Variants in LRP1B observed in about 807,000 individuals in gnomAD.
The protein encoded by LRP1B is LDL receptor related protein 1B.
In LRP1B, 217 loss-of-function variants were observed where a neutral mutation model predicts 556.6. The ratio of observed to expected loss-of-function variants is 0.39; its 90% CI spans 0.35 to 0.44. The LOEUF is 0.44. LRP1B is among the 20% of genes least tolerant of loss of function. LRP1B has a pLI of 1.00. For missense variants in LRP1B, 5,053 were observed against 5,620.8 expected (o/e 0.90, Z 3.23); for synonymous variants, 2,047 against 1,865.8 (o/e 1.10, Z -2.50).
chr2:141,950,905 G>T (rs934985366), intron 1 of LRP1B, among the ~76,000 whole-genome samples: 1 of 152,058 alleles, frequency 6.6e-6, no homozygotes, highest in Non-Finnish European at 1.5e-5. Flanking sequence ...AAATCAGTTG[G>T]TATCCTTCTC....
intron 5 of LRP1B, among the ~76,000 whole-genome samples, chr2:141,238,696 G>A (rs1018961880): frequency 6.6e-6 from 1 of 151,938 alleles, no homozygotes; most frequent in Non-Finnish European, 1.5e-5. Flanking sequence ...GAGGATGAGG[G>A]CTTATCTTTA....
chr2:141,744,405 T>C (rs779806053), intron 2 of LRP1B, among the ~76,000 whole-genome samples: 11 of 152,224 alleles, frequency 7.2e-5, no homozygotes, highest in Non-Finnish European at 1.2e-4. Context: ...TGGCCTAACA[T>C]ATGGTCTATT....
chr2:140,427,844 G>A (rs539325732), intron 66 of LRP1B, among the ~76,000 whole-genome samples: 3 of 151,724 alleles, frequency 2.0e-5, no homozygotes, highest in Admixed American at 6.6e-5. Flanking sequence ...CTCAGCCTCC[G>A]CTCCTCCACC....
chr2:140,332,003 T>C (rs1323284269), intron 79 of LRP1B, among the ~76,000 whole-genome samples: 6 of 151,976 alleles, frequency 3.9e-5, no homozygotes. Flanking sequence ...AGCCAATCTT[T>C]TGATTTTCTA....
chr2:140,862,859 G>T (rs1692838457), intron 27 of LRP1B, among the ~76,000 whole-genome samples: 1 of 152,164 alleles, frequency 6.6e-6, no homozygotes, highest in Non-Finnish European at 1.5e-5. Context: ...GGCCGAAATA[G>T]AATAAAAAGG....
At chr2:141,288,795 C>T (rs1685826336) in intron 3 of LRP1B, among the ~76,000 whole-genome samples, 1 of 152,116 alleles carries the variant, frequency 6.6e-6, no homozygotes, top group Non-Finnish European at 1.5e-5. Context: ...GAATAAGAGG[C>T]GTTTGTATTC....
intron 2 of LRP1B, among the ~76,000 whole-genome samples, chr2:141,670,565 C>T (rs1030518613): frequency 1.3e-5 from 2 of 152,002 alleles, no homozygotes; most frequent in Non-Finnish European, 2.9e-5. Context: ...ATATGATGTA[C>T]GGAATGTTAA....
At chr2:142,027,877 C>T (rs1021426557) in intron 1 of LRP1B, among the ~76,000 whole-genome samples, 11 of 151,854 alleles carry the variant, frequency 7.2e-5, no homozygotes, top group Non-Finnish European at 1.3e-4. Flanking sequence ...AGGTAGCTGT[C>T]TGTTTTAGAA....
Position 140,825,054 on chromosome 2 carries a change from T to C in LRP1B, c.5210-11248A>G, listed in dbSNP as rs535599114. Among the ~76,000 whole-genome samples the C allele has an allele frequency of 5.9e-5, 9 of 152,136 alleles. No homozygotes were observed. In the South Asian group the frequency reaches 1.9e-3, roughly 32 times the overall value. On this transcript the variant is annotated intron_variant, in intron 31 of 90. Transcript: ENST00000389484. ...GGTAATCATATATTCAACAAACAAA[T>C]TAAAAATTTAAATGATAACAGAGCT...
chr2:140,491,911 A>G (rs1688717079), intron 57 of LRP1B, among the ~76,000 whole-genome samples: 1 of 152,190 alleles, frequency 6.6e-6, no homozygotes, highest in African/African-American at 2.4e-5. Flanking sequence ...GCGAGTGTAC[A>G]TGTCTTAAGC....
At chr2:142,102,253 T>C (rs1179898438) in intron 1 of LRP1B, among the ~76,000 whole-genome samples, 6 of 151,826 alleles carry the variant, frequency 4.0e-5, no homozygotes, top group African/African-American at 1.5e-4. Context: ...GTGAACCAAT[T>C]TGTACCCCAA....
At chr2:140,657,113 A>G (rs1684906145) in intron 41 of LRP1B, among the ~76,000 whole-genome samples, 1 of 152,106 alleles carries the variant, frequency 6.6e-6, no homozygotes, top group African/African-American at 2.4e-5. Context: ...ATTTATGCCA[A>G]TGTGATATAT....
At chr2:140,808,069 G>A (rs746121483) in intron 32 of LRP1B, among the ~76,000 whole-genome samples, 1 of 152,172 alleles carries the variant, frequency 6.6e-6, no homozygotes, top group Non-Finnish European at 1.5e-5. Flanking sequence ...TCCAGCCTAG[G>A]TGACAGAGTG....
At chr2:141,374,651 G>A (rs1689361659) in intron 3 of LRP1B, among the ~76,000 whole-genome samples, 1 of 151,884 alleles carries the variant, frequency 6.6e-6, no homozygotes, top group South Asian at 2.1e-4. Flanking sequence ...TTTTCTGCTT[G>A]ATCTAGTCCA....
chr2:141,925,353 A>G (rs1700305720), intron 1 of LRP1B, among the ~76,000 whole-genome samples: 1 of 152,166 alleles, frequency 6.6e-6, no homozygotes, highest in African/African-American at 2.4e-5. Flanking sequence ...CTATTATAAG[A>G]CTATAATATT....
chr2:140,922,674 A>AAATT (rs966234944), intron 21 of LRP1B, among the ~76,000 whole-genome samples: 6 of 151,866 alleles, frequency 4.0e-5, no homozygotes, highest in East Asian at 1.9e-4. Flanking sequence ...ATAAACAAAT[A>AAATT]AATTAATTAA....
rs1247455481 is a variant in LRP1B, at chr2:141,463,546, TA to T, written c.343+16849del. Among the ~76,000 whole-genome samples, 7 of 28,466 alleles carry T rather than the reference TA, an allele frequency of 2.5e-4. No individual in the cohort carries two copies. The South Asian group carries it at 3.3e-3, about 14-fold the overall frequency. The allele number at this position is 28,466 out of a possible 152,430, so 18.7% of individuals were successfully genotyped here. ...ATTATATAAAATTATATATTATATA[TA>T]ATTATATATAATATATATTATATAT... On this transcript the variant is annotated intron_variant, in intron 3 of 90. Transcript: ENST00000389484.
At chr2:140,301,805 A>G (rs1683837148) in intron 83 of LRP1B, among the ~76,000 whole-genome samples, 1 of 151,758 alleles carries the variant, frequency 6.6e-6, no homozygotes, top group Admixed American at 6.6e-5. Context: ...CTTTACATAT[A>G]TAAAGTACAG....
At chr2:140,322,434 C>G (rs1163828803) in intron 81 of LRP1B, among the ~76,000 whole-genome samples, 1 of 151,934 alleles carries the variant, frequency 6.6e-6, no homozygotes, top group African/African-American at 2.4e-5. Flanking sequence ...GAAACTAAAG[C>G]CAATGGAAGT....
Sources: gnomAD v4.1 joint callset for allele counts (sites outside exome capture counted in the v4.1 genomes callset) on GRCh38, gnomAD v4.1.1 for gene constraint, MANE v1.5 for transcripts, NCBI Gene and HGNC (gene_info 2026-07-23, HGNC 2026-07-21) for gene names.